Variants in NME9 observed in about 807,000 individuals in gnomAD.
NME9 encodes the protein thioredoxin domain-containing protein 6.
In NME9, 48 loss-of-function variants were observed where a neutral mutation model predicts 44.4. The ratio of observed to expected loss-of-function variants is 1.08; its 90% CI spans 0.86 to 1.37. The LOEUF (loss-of-function observed/expected upper bound fraction) is 1.37. Among genes scored for constraint, NME9 ranks in the 40% most tolerant of loss-of-function variants. NME9 has a pLI of 0.00. For missense variants in NME9, 325 were observed against 405.2 expected, an observed-to-expected ratio of 0.80 and a Z score of 1.70; for synonymous variants, 139 against 147.1, an observed-to-expected ratio of 0.94 and a Z score of 0.40.
At chr3:138,304,138 C>T (rs777873043) in intron 9 of NME9, among the ~76,000 whole-genome samples, 9 of 152,154 alleles carry the variant, frequency 5.9e-5, no homozygotes, top group African/African-American at 1.7e-4. Context: ...CTCATATCCC[C>T]GTTTTACAGT....
At position 138,291,426 on chromosome 3, in the gene NME9, G is replaced by T. The variant is rs544580056; in HGVS notation, c.745+12081C>A. On this transcript the variant is annotated intron_variant, in intron 8 of 8. Transcript: ENST00000317876. ...TTGCTATCCCAGTCTCCTCTCCTCT[G>T]AGTCCCCATTCATTCATCAGATATC... is the stretch of plus-strand genomic sequence containing the variant. Among the ~76,000 whole-genome samples the T allele has an allele frequency of 1.4e-4, 22 of 152,304 alleles. 1 individual carries two copies. In the South Asian group the frequency reaches 4.6e-3, roughly 32 times the overall value.
chr3:138,272,739 G>A (rs2048911692), intron 8 of NME9, among the ~76,000 whole-genome samples: 1 of 152,114 alleles, frequency 6.6e-6, no homozygotes, highest in Non-Finnish European at 1.5e-5. Flanking sequence ...GCCAGGCGTG[G>A]TGGCTCGCGC....
intron 4 of NME9, among the ~76,000 whole-genome samples, chr3:138,316,684 G>A (rs2053108191): frequency 6.6e-6 from 1 of 151,610 alleles, no homozygotes; most frequent in Admixed American, 6.6e-5. Flanking sequence ...GTGTGGTCTC[G>A]GCTCACTGCA....
chr3:138,305,178 C>G, intron 8 of NME9, 151 bp from the exon 9 acceptor site: 2 of 675,170 alleles, frequency 3.0e-6, no homozygotes, highest in Non-Finnish European at 5.0e-6. Flanking sequence ...CCACTGCACC[C>G]TGTCTCTGCC....
chr3:138,325,555 C>G (rs1163243967), intron 1 of NME9, among the ~76,000 whole-genome samples: 2 of 151,958 alleles, frequency 1.3e-5, no homozygotes, highest in Admixed American at 1.3e-4. Context: ...ATTACAGGCA[C>G]ATGCCACTAC....
chr3:138,301,451 T>G lies in NME9; in HGVS notation c.*189A>C. Reference sequence around the variant, plus strand: ...AACTCCTAATCTCAGGTGATCCACCTGCCTCGGCCTCCCAAAGTGCTGGGA... The same window carrying G: ...AACTCCTAATCTCAGGTGATCCACCGGCCTCGGCCTCCCAAAGTGCTGGGA... On this transcript the variant is annotated 3_prime_UTR_variant, in exon 11 of 11. Coordinates refer to ENST00000333911, the MANE Select transcript of NME9 (RefSeq NM_001349018.2). 1 of 1,159,494 alleles carries G rather than the reference T, an allele frequency of 8.6e-7. No individual in the cohort carries two copies. Among genetic ancestry groups the G allele is most frequent in the South Asian group, 1.7e-5 (1 of 59,574 alleles). 71.8% of individuals were successfully genotyped at this position (1,159,494 alleles called of 1,614,324 possible). A position where few individuals can be genotyped will look rare whatever the true frequency, so the allele number is the denominator to read the frequency against.
chr3:138,274,813 TTCA>T (rs1234771613), intron 8 of NME9, among the ~76,000 whole-genome samples: 3 of 152,190 alleles, frequency 2.0e-5, no homozygotes, highest in Non-Finnish European at 4.4e-5. Flanking sequence ...GCAGTCACCT[TTCA>T]TCATCCTGGA....
At chr3:138,310,124 T>G (rs1264198146) in intron 6 of NME9, among the ~76,000 whole-genome samples, 1 of 151,836 alleles carries the variant, frequency 6.6e-6, no homozygotes, top group Non-Finnish European at 1.5e-5. Context: ...AAAAAGATAT[T>G]CATTGCAAGT....
At chr3:138,296,047 A>C (rs2051454500), downstream of NME9, 1 of 598,412 alleles carries the variant, frequency 1.7e-6, no homozygotes, top group Non-Finnish European at 2.7e-6. Flanking sequence ...TCTCAAATTC[A>C]TCTTGAGAAC....
At chr3:138,329,057 T>A (rs1336922425) in intron 1 of NME9, among the ~76,000 whole-genome samples, 15 of 152,266 alleles carry the variant, frequency 9.9e-5, no homozygotes, top group Non-Finnish European at 2.2e-4. Context: ...ATAAGCACTA[T>A]AAATGTAAAC....
At chr3:138,279,341 G>T (rs2049641953) in intron 8 of NME9, among the ~76,000 whole-genome samples, 1 of 151,448 alleles carries the variant, frequency 6.6e-6, no homozygotes. Context: ...TGATTTATAT[G>T]GTGAATTCAT....
intron 8 of NME9, among the ~76,000 whole-genome samples, chr3:138,289,549 A>G (rs1235160641): frequency 1.3e-5 from 2 of 152,210 alleles, no homozygotes; most frequent in African/African-American, 2.4e-5. Context: ...GAGAAGTGCA[A>G]TGTGACCAGT....
At chr3:138,300,001 C>A (rs562106472), downstream of NME9, among the ~76,000 whole-genome samples, 1 of 152,244 alleles carries the variant, frequency 6.6e-6, no homozygotes, top group Admixed American at 6.5e-5. Context: ...GTTTGCCACT[C>A]GTGAAGTGGG....
chr3:138,264,222 A>G (rs769426335), intron 8 of NME9: 160 of 1,612,498 alleles, frequency 9.9e-5, no homozygotes, highest in Non-Finnish European at 1.3e-4. Flanking sequence ...GGTAAGAAGA[A>G]AGGGTCAGCC....
intron 2 of NME9, chr3:138,324,423 C>T: frequency 2.2e-6 from 1 of 455,588 alleles, no homozygotes; most frequent in Non-Finnish European, 4.4e-6. Flanking sequence ...TTGCTAAGTG[C>T]AACAAATAAC....
At chr3:138,300,361 C>A (rs765732936), downstream of NME9, among the ~76,000 whole-genome samples, 2 of 152,086 alleles carry the variant, frequency 1.3e-5, no homozygotes, top group African/African-American at 4.8e-5. Flanking sequence ...GATGCACCCA[C>A]GAAAATGTCC....
intron 8 of NME9, among the ~76,000 whole-genome samples, chr3:138,264,412 C>CTTTTTT (rs11298899): frequency 6.2e-5 from 3 of 48,638 alleles, no homozygotes; most frequent in African/African-American, 1.5e-4. Flanking sequence ...GATTTTCTTT[C>CTTTTTT]TTTTTTTTTT....
At chr3:138,313,836 AC>A (rs1406718893) in intron 6 of NME9, among the ~76,000 whole-genome samples, 2 of 152,228 alleles carry the variant, frequency 1.3e-5, no homozygotes, top group African/African-American at 4.8e-5. Context: ...ACATGTTCTT[AC>A]TCATATGTGG....
chr3:138,320,428 G>A (rs934358721), intron 2 of NME9, among the ~76,000 whole-genome samples: 4 of 152,210 alleles, frequency 2.6e-5, no homozygotes, highest in South Asian at 4.1e-4. Flanking sequence ...CTGTTCAACC[G>A]CCAGAGTAGT....
Sources: gnomAD v4.1 joint callset for allele counts (sites outside exome capture counted in the v4.1 genomes callset) on GRCh38, gnomAD v4.1.1 for gene constraint, MANE v1.5 for transcripts, NCBI Gene and HGNC (gene_info 2026-07-23, HGNC 2026-07-21) for gene names.